The following PATJ variants were observed in gnomAD, a reference collection of about 807,000 sequenced individuals.
The protein encoded by PATJ is PATJ crumbs cell polarity complex component.
Under a neutral mutation model 224.9 loss-of-function variants are expected in PATJ, and 190 were observed. The ratio of observed to expected loss-of-function variants is 0.84; its 90% CI spans 0.75 to 0.95. The LOEUF is 0.95. Ranked by LOEUF, PATJ falls within the 40% of genes least tolerant of loss-of-function variation. The pLI is 0.00. For synonymous variants in PATJ, 769 were observed against 820.3 expected (o/e 0.94, Z 1.07); for missense variants, 2,121 against 2,270.3 (o/e 0.93, Z 1.34).
At chr1:61,792,789 C>T (rs1319596373) in intron 9 of PATJ, among the ~76,000 whole-genome samples, 1 of 152,192 alleles carries the variant, frequency 6.6e-6, no homozygotes, top group Non-Finnish European at 1.5e-5. Flanking sequence ...CTCGGCCTCC[C>T]ATAGTGCTGG....
chr1:61,869,169 C>T (rs28616755), intron 20 of PATJ, among the ~76,000 whole-genome samples: 14 of 133,392 alleles, frequency 1.0e-4, no homozygotes, highest in East Asian at 2.2e-4. Flanking sequence ...TGCAGTGGCG[C>T]CATCTCGGCT....
At chr1:61,778,493 G>A (rs1375257912) in intron 7 of PATJ, among the ~76,000 whole-genome samples, 1 of 152,114 alleles carries the variant, frequency 6.6e-6, no homozygotes, top group African/African-American at 2.4e-5. Context: ...AAGTTTTGGT[G>A]TGTTATCAAA....
chr1:62,114,258 C>A lies in PATJ; in HGVS notation c.4655+12C>A, dbSNP rs767479189. Reference sequence around the variant, plus strand: ...ATCGTTGGGAAACGGTAAAGACGTGCTGTGGGAGTTGGGATCTGCCTTTTT... The same window carrying A: ...ATCGTTGGGAAACGGTAAAGACGTGATGTGGGAGTTGGGATCTGCCTTTTT... On this transcript the variant is annotated intron_variant, in intron 35 of 43. Coordinates refer to ENST00000642238, the MANE Select transcript of PATJ (RefSeq NM_001350145.3). 1.9e-6 allele frequency: 3 copies of A among 1,612,174 alleles called. No individual in the cohort carries two copies. Among genetic ancestry groups the A allele is most frequent in the Non-Finnish European group, 2.5e-6 (3 of 1,178,970 alleles).
chr1:61,975,783 A>G (rs932016219), intron 27 of PATJ, among the ~76,000 whole-genome samples: 21 of 152,178 alleles, frequency 1.4e-4, no homozygotes, highest in African/African-American at 5.1e-4. Context: ...CTGAGCTCCA[A>G]GCCACATTCG....
At chr1:61,969,918 T>A (rs961426063) in intron 27 of PATJ, among the ~76,000 whole-genome samples, 1 of 152,140 alleles carries the variant, frequency 6.6e-6, no homozygotes, top group Non-Finnish European at 1.5e-5. Context: ...GGTCTCGAAC[T>A]CCTGACCTCA....
chr1:62,010,540 T>A (rs1553241211), intron 28 of PATJ, among the ~76,000 whole-genome samples: 1 of 151,360 alleles, frequency 6.6e-6, no homozygotes. Context: ...GATATTTCTC[T>A]TTCTGTGCTT....
Position 62,148,120 on chromosome 1 carries a change from T to TAAAAAAAAAAAAA in PATJ, c.5272-164_5272-163insAAAAAAAAAAAAA, listed in dbSNP as rs1558235712. Among the ~76,000 whole-genome samples the TAAAAAAAAAAAAA allele has an allele frequency of 5.3e-4, 57 of 108,470 alleles. 2 individuals are homozygous for TAAAAAAAAAAAAA. Among genetic ancestry groups the TAAAAAAAAAAAAA allele is most frequent in the African/African-American group, 1.4e-3 (40 of 29,406 alleles). 71.2% of individuals were successfully genotyped at this position (108,470 alleles called of 152,430 possible). ...TGAGCAACAGAGTGAGACACTGTCTTTAAAAAAAAAAAAAAAAAAAAGTTT... is the reference window on the plus strand; with the variant it reads ...TGAGCAACAGAGTGAGACACTGTCTTAAAAAAAAAAAAATAAAAAAAAAAAAAAAAAAAAGTTT... On this transcript the variant is annotated intron_variant, in intron 41 of 43. Coordinates refer to ENST00000642238, the MANE Select transcript of PATJ (RefSeq NM_001350145.3).
intron 26 of PATJ, among the ~76,000 whole-genome samples, chr1:61,919,775 A>G (rs1674012545): frequency 6.6e-6 from 1 of 152,172 alleles, no homozygotes; most frequent in African/African-American, 2.4e-5. Flanking sequence ...AAGTTTCCAC[A>G]TGAATATTTT....
intron 43 of PATJ, 97 bp from the exon 44 acceptor site, chr1:62,160,808 CTTT>C: frequency 3.1e-6 from 4 of 1,271,576 alleles, no homozygotes; most frequent in Non-Finnish European, 4.3e-6. Context: ...TAAAGTTACT[CTTT>C]TAATATGCAC....
chr1:62,128,195 A>G (rs995118125), intron 40 of PATJ, 101 bp downstream of exon 40: 6 of 1,395,298 alleles, frequency 4.3e-6, no homozygotes, highest in Non-Finnish European at 6.0e-6. Context: ...TCCAGTAGCC[A>G]TCAGAGACCC....
chr1:61,988,465 T>G (rs1184969710), intron 27 of PATJ, among the ~76,000 whole-genome samples: 1 of 152,234 alleles, frequency 6.6e-6, no homozygotes, highest in African/African-American at 2.4e-5. Flanking sequence ...TGTTCTTGGT[T>G]GCCGACCAGC....
intron 27 of PATJ, among the ~76,000 whole-genome samples, chr1:61,986,575 A>G (rs979573568): frequency 6.6e-6 from 1 of 152,018 alleles, no homozygotes; most frequent in Non-Finnish European, 1.5e-5. Flanking sequence ...GCGTGCCGCT[A>G]TGCTGGGCTA....
chr1:62,073,815 C>T (rs1304078565), intron 31 of PATJ, among the ~76,000 whole-genome samples: 1 of 152,088 alleles, frequency 6.6e-6, no homozygotes. Flanking sequence ...TATACTGAGA[C>T]TCCATCTCCA....
chr1:62,119,530 T>C (rs932315970), intron 37 of PATJ, among the ~76,000 whole-genome samples: 1 of 152,176 alleles, frequency 6.6e-6, no homozygotes, highest in African/African-American at 2.4e-5. Flanking sequence ...GTGTCTTTTT[T>C]TAAAATGACT....
chr1:61,966,060 C>A (rs1682085830), intron 27 of PATJ, among the ~76,000 whole-genome samples: 1 of 152,154 alleles, frequency 6.6e-6, no homozygotes, highest in African/African-American at 2.4e-5. Context: ...TGCCACCATG[C>A]CCGGCTAATT....
rs1022130809 is a variant in PATJ, at chr1:61,768,856, C to T, written c.385-427C>T. ...CGGAGACTGAAGTGAGCCGAGATCA[C>T]GCCACTGCACTCTACCCTGGGCAAC... On this transcript the variant is annotated intron_variant, in intron 4 of 43. Transcript: ENST00000642238. Among the ~76,000 whole-genome samples, 61 of 152,136 alleles carry T rather than the reference C, an allele frequency of 4.0e-4. 1 individual carries two copies. The highest frequency in any genetic ancestry group is 3.4e-3 in the Middle Eastern group (1 of 294).
At chr1:61,838,352 C>T (rs973388818) in intron 17 of PATJ, among the ~76,000 whole-genome samples, 4 of 151,412 alleles carry the variant, frequency 2.6e-5, no homozygotes, top group African/African-American at 9.7e-5. Context: ...TGACTGAGTA[C>T]TCTGTTTCTT....
chr1:62,140,410 T>C (rs945631133), intron 41 of PATJ, among the ~76,000 whole-genome samples: 2 of 152,144 alleles, frequency 1.3e-5, no homozygotes, highest in African/African-American at 2.4e-5. Context: ...CCCAGCACTT[T>C]GGGAGGCCGA....
At position 61,961,986 on chromosome 1, in the gene PATJ, G is replaced by GA. The variant is rs1172081510; in HGVS notation, c.3671-28179dup. On this transcript the variant is annotated intron_variant, in intron 27 of 43. Transcript: ENST00000642238. ...CTCCGTCTTAGAAAAAAAAAAAAAA[G>GA]AAAGAAAAGAAATGTGAATACGGAA... 3.7e-4 allele frequency among the ~76,000 whole-genome samples: 54 copies of GA among 145,244 alleles called. 1 individual carries two copies. Among genetic ancestry groups the GA allele is most frequent in the East Asian group, 1.6e-3 (8 of 4,928 alleles).
Sources: allele counts gnomAD v4.1 joint callset (sites outside exome capture counted in the v4.1 genomes callset), GRCh38; gene constraint gnomAD v4.1.1; transcripts MANE v1.5; gene names NCBI Gene and HGNC (gene_info 2026-07-23, HGNC 2026-07-21).